Variants in NEB observed in about 807,000 individuals in gnomAD.
NEB encodes the protein nemaline myopathy type 2.
NEB carries 512 observed loss-of-function variants against 952.2 expected under a neutral mutation model. That is an observed-to-expected ratio of 0.54 (90% CI 0.50 to 0.58). The LOEUF (loss-of-function observed/expected upper bound fraction) is 0.58, where lower values mean the gene tolerates loss of function less well. Ranked by LOEUF, NEB falls within the 20% of genes least tolerant of loss-of-function variation. NEB has a pLI of 0.00. For missense variants in NEB, 8,428 were observed against 9,231.1 expected (o/e 0.91, Z 3.56); for synonymous variants, 2,900 against 3,149.8 (o/e 0.92, Z 2.66).
intron 55 of NEB, 117 bp downstream of exon 55, chr2:151,646,013 T>G (rs1288982280): frequency 1.4e-6 from 1 of 733,554 alleles, no homozygotes; most frequent in Non-Finnish European, 2.2e-6. Context: ...ATCTAAGTCA[T>G]ATGTAGTTAA....
Position 151,546,007 on chromosome 2 carries a change from A to AAG in NEB, c.20467-10_20467-9insCT, listed in dbSNP as rs747689558. ...GTGTATAGGTAATTAGACTTAAAAA[A>AAG]AAAAAAAAAAACAGAAATACAAGTT... On this transcript the variant is annotated splice_polypyrimidine_tract_variant and intron_variant, in intron 134 of 181. Coordinates refer to ENST00000397345, the MANE Select transcript of NEB (RefSeq NM_001164508.2). 3.5e-6 allele frequency: 5 copies of AAG among 1,436,374 alleles called. No individual in the cohort carries two copies. The highest frequency in any genetic ancestry group is 9.6e-7 in the Non-Finnish European group (1 of 1,043,310). 89.0% of individuals were successfully genotyped at this position (1,436,374 alleles called of 1,614,324 possible).
intron 154 of NEB, 28 bp downstream of exon 154, chr2:151,519,630 A>G (rs771395318): frequency 7.3e-6 from 11 of 1,505,388 alleles, no homozygotes; most frequent in Non-Finnish European, 9.2e-6. Flanking sequence ...ACCATGTTAT[A>G]TATTTTACCA....
chr2:151,506,122 A>G, intron 164 of NEB, 44 bp downstream of exon 164: 1 of 1,492,760 alleles, frequency 6.7e-7, no homozygotes. Flanking sequence ...TAAATTATCA[A>G]AGGGAGGCAG....
At chr2:151,725,788 A>G (rs1038611821) in intron 5 of NEB, among the ~76,000 whole-genome samples, 3 of 152,076 alleles carry the variant, frequency 2.0e-5, no homozygotes, top group African/African-American at 7.2e-5. Context: ...ATTATAGACT[A>G]TTGTCTTGGA....
chr2:151,567,029 A>AAG (rs2096434187), intron 114 of NEB, 139 bp downstream of exon 114: 2 of 728,266 alleles, frequency 2.7e-6, no homozygotes, highest in African/African-American at 3.5e-5. Flanking sequence ...CTTTCTTCAT[A>AAG]TCCAGCCTCA....
At chr2:151,489,099 A>C (rs1334118835) in intron 181 of NEB, among the ~76,000 whole-genome samples, 3 of 152,200 alleles carry the variant, frequency 2.0e-5, no homozygotes, top group African/African-American at 7.2e-5. Context: ...GCATTGGTTT[A>C]TTTCAGGGAA....
At position 151,496,932 on chromosome 2, in the gene NEB, C is replaced by G. The variant is rs1030773625; in HGVS notation, c.24393+9G>C. ...AGTAAGTAGTTTTTTTCTTTTCTTG[C>G]CCAAGTACCGAGCTAATATTTTCTT... is the stretch of plus-strand genomic sequence containing the variant. On this transcript the variant is annotated intron_variant, in intron 172 of 181. Transcript: ENST00000397345. 1.3e-6 allele frequency: 2 copies of G among 1,556,980 alleles called. No homozygotes were observed. The highest frequency in any genetic ancestry group is 1.4e-5 in the African/African-American group (1 of 73,418).
At position 151,626,385 on chromosome 2, in the gene NEB, A is replaced by G. The variant is rs142090788; in HGVS notation, c.10347+617T>C. 8.5e-3 allele frequency among the ~76,000 whole-genome samples: 1,300 copies of G among 152,310 alleles called. 9 individuals are homozygous for G. The highest frequency in any genetic ancestry group is 0.013 in the Non-Finnish European group (866 of 68,020). On this transcript the variant is annotated intron_variant, in intron 70 of 181. Transcript: ENST00000397345. ...CCACCTCAGCCTCCCAAAAGTGTTG[A>G]GATTACAGGTGTGAGACACCATGCC...
chr2:151,493,282 G>A, intron 176 of NEB, 71 bp downstream of exon 176: 1 of 1,140,164 alleles, frequency 8.8e-7, no homozygotes, highest in Non-Finnish European at 1.3e-6. Context: ...AATGAGAAAG[G>A]CGTGTTTTTA....
Position 151,666,098 on chromosome 2 carries a change from G to C in NEB, c.5023C>G (p.Gln1675Glu). The C allele has an allele frequency of 6.2e-7, 1 of 1,612,018 alleles. No individual in the cohort carries two copies. The highest frequency in any genetic ancestry group is 8.5e-7 in the Non-Finnish European group (1 of 1,178,520). ...VEHSRNAMQI[Q>E]SDNLYKSDFT... The stretch of plus-strand genomic sequence containing the variant: ...TGGTAACCAGTACATACATCACTCT[G>C]AATCTGCATGGCATTCCTGGAGTGC... The change falls in exon 41 of 182, where the codon CAG becomes GAG. Residue 1675 changes from glutamine to glutamate, a missense_variant. This residue lies in a region of NEB where 2,851 missense variants were observed against 2,791.5 expected (regional missense o/e 1.02). Transcript: ENST00000397345.
chr2:151,720,768 T>C (rs940346731), intron 9 of NEB, among the ~76,000 whole-genome samples: 1 of 152,228 alleles, frequency 6.6e-6, no homozygotes, highest in Non-Finnish European at 1.5e-5. Context: ...TGGCTCCTGT[T>C]CAGTCCTAAG....
In NEB at chr2:151,605,742, G is replaced by C. The variant is rs1478733443; in HGVS notation, c.12747+864C>G. On this transcript the variant is annotated intron_variant, in intron 84 of 181. Transcript: ENST00000397345. ...GAGAAGAACACAGAGAAAGGAACAAGGTGGCTTAAAGAGTTGGAGCTGGGG... is the reference window on the plus strand; with the variant it reads ...GAGAAGAACACAGAGAAAGGAACAACGTGGCTTAAAGAGTTGGAGCTGGGG... Among the ~76,000 whole-genome samples, 17 of 98,248 alleles carry C rather than the reference G, an allele frequency of 1.7e-4. 7 individuals are homozygous for C. 64.5% of individuals were successfully genotyped at this position (98,248 alleles called of 152,430 possible). A position where few individuals can be genotyped will look rare whatever the true frequency, so the allele number is the denominator to read the frequency against.
Position 151,529,127 on chromosome 2 carries a change from C to T in NEB, c.21735+83G>A. The T allele has an allele frequency of 1.2e-5, 11 of 898,914 alleles. No homozygotes were observed. In the South Asian group the frequency reaches 1.5e-4, roughly 12 times the overall value. The allele number at this position is 898,914 out of a possible 1,614,324, so 55.7% of individuals were successfully genotyped here. Reference sequence around the variant, plus strand: ...GAATCAATCACTAGAGCTGAATTGCCTGAAGAGATGTAAAAAGAGGCCATG... The same window carrying T: ...GAATCAATCACTAGAGCTGAATTGCTTGAAGAGATGTAAAAAGAGGCCATG... On this transcript the variant is annotated intron_variant, in intron 146 of 181. Coordinates refer to ENST00000397345, the MANE Select transcript of NEB (RefSeq NM_001164508.2).
chr2:151,548,554 C>T (rs1162466128), intron 130 of NEB, 139 bp from the exon 131 acceptor site: 3 of 598,164 alleles, frequency 5.0e-6, no homozygotes, highest in African/African-American at 1.9e-5. Context: ...AAGTCATTGA[C>T]AAAATTTCAA....
chr2:151,632,469 A>G (rs2098688149), intron 65 of NEB, among the ~76,000 whole-genome samples: 1 of 152,092 alleles, frequency 6.6e-6, no homozygotes, highest in Non-Finnish European at 1.5e-5. Flanking sequence ...TGAGGTCAGG[A>G]GTTGGAGACC....
rs1292355639 is a variant in NEB at position 151,694,454 on chromosome 2, A to G, written c.1783-18T>C. ...TACATCACCTGCAAAGACATCACACATGCCAGATTCCACTCAAGAGGAAAT... is the reference window on the plus strand; with the variant it reads ...TACATCACCTGCAAAGACATCACACGTGCCAGATTCCACTCAAGAGGAAAT... On this transcript the variant is annotated intron_variant, in intron 19 of 181. Transcript: ENST00000397345. The G allele has an allele frequency of 8.7e-6, 14 of 1,612,934 alleles. No individual in the cohort carries two copies. Among genetic ancestry groups the G allele is most frequent in the African/African-American group, 5.3e-5 (4 of 74,846 alleles).
intron 124 of NEB, among the ~76,000 whole-genome samples, chr2:151,555,542 A>T (rs997957226): frequency 1.3e-5 from 2 of 152,212 alleles, no homozygotes; most frequent in Non-Finnish European, 2.9e-5. Flanking sequence ...AATACAGTGC[A>T]ATCAACTTCT....
At chr2:151,622,677 A>G (rs2098443039) in intron 71 of NEB, among the ~76,000 whole-genome samples, 1 of 152,192 alleles carries the variant, frequency 6.6e-6, no homozygotes, top group Non-Finnish European at 1.5e-5. Context: ...TTTACCATGT[A>G]TCTCCTAAGA....
intron 24 of NEB, chr2:151,689,913 T>A (rs918900529): frequency 1.3e-5 from 2 of 152,224 alleles, no homozygotes; most frequent in African/African-American, 2.4e-5. Flanking sequence ...CTAATTTGTG[T>A]CATTAAAATA....
Sources: allele counts gnomAD v4.1 joint callset (sites outside exome capture counted in the v4.1 genomes callset), GRCh38; gene constraint gnomAD v4.1.1; regional missense constraint gnomAD v4.1.1; transcripts MANE v1.5; gene names NCBI Gene and HGNC (gene_info 2026-07-23, HGNC 2026-07-21).